SUMF1: variants seen among roughly 807,000 people sequenced by gnomAD.
The protein encoded by SUMF1 is sulfatase modifying factor 1.
Under a neutral mutation model 47.6 loss-of-function variants are expected in SUMF1, and 48 were observed. The ratio of observed to expected loss-of-function variants is 1.01; its 90% CI spans 0.80 to 1.28. The LOEUF (loss-of-function observed/expected upper bound fraction) is 1.28, where lower values mean the gene tolerates loss of function less well. Ranked by LOEUF, SUMF1 falls within the 50% of genes most tolerant of loss-of-function variation. SUMF1 has a pLI of 0.00. For synonymous variants in SUMF1, 230 were observed against 192.1 expected, an observed-to-expected ratio of 1.20 and a Z score of -1.63; for missense variants, 571 against 485.4, an observed-to-expected ratio of 1.18 and a Z score of -1.66.
chr3:4,266,243 G>C (rs1434528684), intron 8 of SUMF1, among the ~76,000 whole-genome samples: 3 of 152,212 alleles, frequency 2.0e-5, no homozygotes, highest in Non-Finnish European at 2.9e-5. Context: ...GAACTTTAAA[G>C]TAGTTTTTTC....
At position 4,354,560 on chromosome 3, in the gene SUMF1, C is replaced by T. The variant is rs141619683; in HGVS notation, c.1014+21770G>A. ...TGAGAACTTCGTGGGACAGACCGACCGCGCAGGATCAGGTATTTCCAAATT... is the reference window on the plus strand; with the variant it reads ...TGAGAACTTCGTGGGACAGACCGACTGCGCAGGATCAGGTATTTCCAAATT... On this transcript the variant is annotated intron_variant and NMD_transcript_variant, in intron 8 of 12. Coordinates refer to the SUMF1 transcript ENST00000448413. Among the ~76,000 whole-genome samples, 17 of 152,304 alleles carry T rather than the reference C, an allele frequency of 1.1e-4. 1 individual carries two copies. In the East Asian group the frequency reaches 1.4e-3, roughly 12 times the overall value.
chr3:4,355,045 A>G (rs1359769557), intron 8 of SUMF1, among the ~76,000 whole-genome samples: 1 of 152,168 alleles, frequency 6.6e-6, no homozygotes, highest in East Asian at 1.9e-4. Context: ...CCACGATGCT[A>G]AACTGCCTTT....
intron 6 of SUMF1, among the ~76,000 whole-genome samples, chr3:4,415,579 G>A (rs1701686099): frequency 6.6e-6 from 1 of 152,192 alleles, no homozygotes; most frequent in African/African-American, 2.4e-5. Flanking sequence ...TTGGGAGGCT[G>A]AGGCGGGAGG....
At chr3:4,303,844 C>G (rs1042375875) in intron 8 of SUMF1, 11 of 1,335,882 alleles carry the variant, frequency 8.2e-6, no homozygotes, top group Admixed American at 6.9e-5. Flanking sequence ...TCATTTACCT[C>G]CCTGGTCTCA....
chr3:4,203,873 C>T (rs1334104302), intron 8 of SUMF1, among the ~76,000 whole-genome samples: 1 of 151,698 alleles, frequency 6.6e-6, no homozygotes, highest in Non-Finnish European at 1.5e-5. Context: ...CTAAAAAAAA[C>T]TCACAATTTA....
chr3:4,232,737 C>A (rs1696329341), intron 8 of SUMF1, among the ~76,000 whole-genome samples: 1 of 151,912 alleles, frequency 6.6e-6, no homozygotes, highest in African/African-American at 2.4e-5. Context: ...GAAGATCTCA[C>A]TATCAAAAAT....
At chr3:4,354,848 C>T (rs765239963) in intron 8 of SUMF1, among the ~76,000 whole-genome samples, 1 of 152,184 alleles carries the variant, frequency 6.6e-6, no homozygotes, top group Non-Finnish European at 1.5e-5. Context: ...CTGGGAAGCA[C>T]TTATCCAAGT....
At position 4,259,064 on chromosome 3, in the gene SUMF1, G is replaced by A. The variant is rs1041421469; in HGVS notation, c.1014+117266C>T. Reference sequence around the variant, plus strand: ...CACTCATAGGTGGGAATTGAACAATGAGATCACATGGACCCAGGAAGGGGG... The same window carrying A: ...CACTCATAGGTGGGAATTGAACAATAAGATCACATGGACCCAGGAAGGGGG... On this transcript the variant is annotated intron_variant and NMD_transcript_variant, in intron 8 of 12. Coordinates refer to the SUMF1 transcript ENST00000448413. 5.4e-5 allele frequency among the ~76,000 whole-genome samples: 8 copies of A among 147,956 alleles called. No individual in the cohort carries two copies. In the East Asian group the frequency reaches 1.0e-3, roughly 19 times the overall value.
intron 7 of SUMF1, among the ~76,000 whole-genome samples, chr3:4,403,247 C>G (rs1034776090): frequency 4.6e-5 from 7 of 152,206 alleles, no homozygotes; most frequent in African/African-American, 1.7e-4. Flanking sequence ...GCCACAGTTA[C>G]AGTGACAAGA....
In SUMF1 at chr3:4,367,291, A is replaced by G. The variant is rs568044331; in HGVS notation, c.1015-5037T>C. The stretch of plus-strand genomic sequence containing the variant: ...ATTTAAGTCTGCAGAGGTTACTGCT[A>G]TCTTTTTGTTTGTCTGTGCCCTGCC... On this transcript the variant is annotated intron_variant, in intron 8 of 8. Transcript: ENST00000272902. Among the ~76,000 whole-genome samples, 146 of 152,288 alleles carry G rather than the reference A, an allele frequency of 9.6e-4. 1 individual carries two copies. Among genetic ancestry groups the G allele is most frequent in the Non-Finnish European group, 1.3e-3 (87 of 68,016 alleles).
intron 3 of SUMF1, among the ~76,000 whole-genome samples, chr3:4,424,373 G>A (rs947311129): frequency 6.6e-6 from 1 of 151,834 alleles, no homozygotes; most frequent in African/African-American, 2.4e-5. Flanking sequence ...CTTACTTAAC[G>A]TCATGGAGCT....
intron 2 of SUMF1, among the ~76,000 whole-genome samples, chr3:4,452,045 A>T (rs17040708): frequency 0.019 from 2,962 of 152,238 alleles, 104 homozygotes; most frequent in African/African-American, 0.069. Flanking sequence ...GACAATGCAA[A>T]ACCAAATCTG....
At chr3:4,333,220 A>T (rs961693910) in intron 8 of SUMF1, among the ~76,000 whole-genome samples, 1 of 152,224 alleles carries the variant, frequency 6.6e-6, no homozygotes, top group Non-Finnish European at 1.5e-5. Flanking sequence ...TGAGCTGGTT[A>T]ACATTTAAGC....
chr3:4,228,423 G>A (rs1384883868), intron 8 of SUMF1, among the ~76,000 whole-genome samples: 1 of 151,740 alleles, frequency 6.6e-6, no homozygotes. Context: ...GTAGCAGATG[G>A]CAAGTGACAG....
intron 9 of SUMF1, among the ~76,000 whole-genome samples, chr3:4,036,648 G>A (rs896376737): frequency 6.7e-6 from 1 of 148,166 alleles, no homozygotes; most frequent in Non-Finnish European, 1.5e-5. Flanking sequence ...GGTCAACCAA[G>A]ACCTGCTCAG....
intron 8 of SUMF1, among the ~76,000 whole-genome samples, chr3:4,255,504 A>C (rs1377519629): frequency 1.2e-5 from 1 of 86,656 alleles, no homozygotes; most frequent in African/African-American, 5.1e-5. Context: ...AACAAAGATC[A>C]AAAGAGACAA....
intron 7 of SUMF1, among the ~76,000 whole-genome samples, chr3:4,396,795 G>GA (rs1701052649): frequency 6.6e-6 from 1 of 152,110 alleles, no homozygotes; most frequent in Admixed American, 6.5e-5. Context: ...AGAGAGAGTA[G>GA]AAAAAAGAGT....
At chr3:4,406,082 C>T (rs957408731) in intron 7 of SUMF1, among the ~76,000 whole-genome samples, 30 of 151,882 alleles carry the variant, frequency 2.0e-4, no homozygotes, top group African/African-American at 6.5e-4. Context: ...TAAAGGCCAG[C>T]GTTTCTCATT....
chr3:4,167,274 T>C (rs1694729415), intron 8 of SUMF1, among the ~76,000 whole-genome samples: 2 of 150,614 alleles, frequency 1.3e-5, no homozygotes, highest in African/African-American at 4.8e-5. Context: ...GGGTTGCTGC[T>C]GCTGGCTGGG....
Sources: allele counts gnomAD v4.1 joint callset (sites outside exome capture counted in the v4.1 genomes callset), GRCh38; gene constraint gnomAD v4.1.1; transcripts MANE v1.5; gene names NCBI Gene and HGNC (gene_info 2026-07-23, HGNC 2026-07-21).